Variants in GRIN2B observed in about 807,000 individuals in gnomAD.
The protein encoded by GRIN2B is glutamate ionotropic receptor NMDA type subunit 2B.
In GRIN2B, 5 loss-of-function variants were observed where a neutral mutation model predicts 114.5. The ratio of observed to expected loss-of-function variants is 0.04; its 90% CI spans 0.02 to 0.09. The LOEUF (loss-of-function observed/expected upper bound fraction) is 0.09, where lower values mean the gene tolerates loss of function less well. GRIN2B is among the 10% of genes least tolerant of loss of function. The pLI, the probability that GRIN2B is intolerant of heterozygous loss-of-function variation, is 1.00. For missense variants in GRIN2B, 1,108 were observed against 1,943.5 expected, an observed-to-expected ratio of 0.57 and a Z score of 8.08; for synonymous variants, 787 against 745.1, an observed-to-expected ratio of 1.06 and a Z score of -0.92.
chr12:13,782,183 G>A (rs1013101782), intron 3 of GRIN2B, among the ~76,000 whole-genome samples: 1 of 152,150 alleles, frequency 6.6e-6, no homozygotes, highest in Non-Finnish European at 1.5e-5. Flanking sequence ...GAAAGCATAT[G>A]TCAGTCAGCA....
rs910168318 is a variant in GRIN2B, at chr12:13,833,796, C to T, written c.411+32002G>A. 1.1e-4 allele frequency among the ~76,000 whole-genome samples: 16 copies of T among 152,176 alleles called. No homozygotes were observed. In the South Asian group the frequency reaches 2.1e-3, roughly 20 times the overall value. On this transcript the variant is annotated intron_variant, in intron 3 of 13. Transcript: ENST00000609686. Reference sequence around the variant, plus strand: ...CATAAGGGACTTTTCCACAGTACCACGGATTGTTAATGGCACAGCAGGTAT... The same window carrying T: ...CATAAGGGACTTTTCCACAGTACCATGGATTGTTAATGGCACAGCAGGTAT...
intron 10 of GRIN2B, among the ~76,000 whole-genome samples, chr12:13,589,141 T>G (rs1345431041): frequency 1.3e-5 from 2 of 152,236 alleles, no homozygotes; most frequent in African/African-American, 2.4e-5. Context: ...CTAAATCTGT[T>G]AGCTCTATTC....
At chr12:13,767,065 G>A (rs148471984) in intron 3 of GRIN2B, among the ~76,000 whole-genome samples, 5,361 of 152,060 alleles carry the variant, frequency 0.035, 302 homozygotes, top group African/African-American at 0.12. Flanking sequence ...GACCATCGTG[G>A]CTAACACCGT....
intron 4 of GRIN2B, among the ~76,000 whole-genome samples, chr12:13,712,016 G>T (rs1950419061): frequency 6.6e-6 from 1 of 151,966 alleles, no homozygotes; most frequent in Non-Finnish European, 1.5e-5. Flanking sequence ...AAGAAAATGG[G>T]GCACATATAT....
At chr12:13,766,847 C>T (rs1043046773) in intron 3 of GRIN2B, among the ~76,000 whole-genome samples, 10 of 152,168 alleles carry the variant, frequency 6.6e-5, no homozygotes, top group African/African-American at 2.4e-4. Context: ...TTTCCTCTAG[C>T]CTTCCGACAG....
chr12:13,605,552 GAC>G (rs66916614), intron 10 of GRIN2B, among the ~76,000 whole-genome samples: 7 of 129,710 alleles, frequency 5.4e-5, no homozygotes, highest in African/African-American at 1.5e-4. Flanking sequence ...CTCTCTCTCT[GAC>G]ACACACACAC....
At chr12:13,569,212 G>A (rs1948677032) in intron 12 of GRIN2B, among the ~76,000 whole-genome samples, 2 of 152,076 alleles carry the variant, frequency 1.3e-5, no homozygotes, top group South Asian at 4.1e-4. Context: ...CTTGTTATGG[G>A]TTGAAAGATG....
At chr12:13,739,209 T>C (rs1377710628) in intron 4 of GRIN2B, among the ~76,000 whole-genome samples, 1 of 151,594 alleles carries the variant, frequency 6.6e-6, no homozygotes, top group Non-Finnish European at 1.5e-5. Context: ...GGAAAAACCC[T>C]GTCTCTACTA....
At chr12:13,888,327 C>G (rs891262471) in intron 2 of GRIN2B, among the ~76,000 whole-genome samples, 9 of 152,128 alleles carry the variant, frequency 5.9e-5, no homozygotes, top group Admixed American at 2.0e-4. Flanking sequence ...ACCTGTATAG[C>G]CTGTTACTGT....
intron 3 of GRIN2B, among the ~76,000 whole-genome samples, chr12:13,755,683 G>A (rs1046164991): frequency 1.3e-5 from 2 of 152,188 alleles, no homozygotes; most frequent in African/African-American, 2.4e-5. Flanking sequence ...CCTACTACAT[G>A]AGTACAACTC....
rs1948370066 is a variant in GRIN2B at position 13,548,195 on chromosome 12, C to T, written c.*14588G>A. 1 of 151,562 alleles carries T rather than the reference C, an allele frequency of 6.6e-6. No individual in the cohort carries two copies. The highest frequency in any genetic ancestry group is 1.5e-5 in the Non-Finnish European group (1 of 67,934). The allele number at this position is 151,562 out of a possible 1,614,324, so 9.4% of individuals were successfully genotyped here. On this transcript the variant is annotated 3_prime_UTR_variant, in exon 14 of 14. Transcript: ENST00000609686. ...TGGGCTCTAAAATTGAGCTTATCTT[C>T]TCTGTCTTTCATAGGATAGCTAAGC...
chr12:13,899,077 A>T, intron 2 of GRIN2B, among the ~76,000 whole-genome samples: 1 of 152,210 alleles, frequency 6.6e-6, no homozygotes, highest in African/African-American at 2.4e-5. Flanking sequence ...CCAATAAGTC[A>T]GGTCAATCTA....
intron 2 of GRIN2B, among the ~76,000 whole-genome samples, chr12:13,906,643 T>A (rs1208778684): frequency 1.3e-5 from 2 of 152,132 alleles, no homozygotes; most frequent in African/African-American, 4.8e-5. Flanking sequence ...CAAAATCAAT[T>A]CCATTTTGTT....
At chr12:13,775,618 A>G (rs1476809054) in intron 3 of GRIN2B, among the ~76,000 whole-genome samples, 2 of 152,238 alleles carry the variant, frequency 1.3e-5, no homozygotes, top group Non-Finnish European at 2.9e-5. Flanking sequence ...TAACTTTTCA[A>G]AAGTCATTAA....
chr12:13,605,554 C>CTCTCTCTCTCTCTCTCTCTG (rs1404110204), intron 10 of GRIN2B, among the ~76,000 whole-genome samples: 1 of 147,244 alleles, frequency 6.8e-6, no homozygotes, highest in African/African-American at 2.6e-5. Context: ...CTCTCTCTGA[C>CTCTCTCTCTCTCTCTCTCTG]ACACACACAC....
chr12:13,667,930 C>A (rs1949992553), intron 5 of GRIN2B, among the ~76,000 whole-genome samples: 1 of 152,046 alleles, frequency 6.6e-6, no homozygotes, highest in Non-Finnish European at 1.5e-5. Context: ...TTGTTTTTAA[C>A]CTAGATATAA....
intron 10 of GRIN2B, among the ~76,000 whole-genome samples, chr12:13,575,531 C>A (rs760274822): frequency 7.9e-5 from 12 of 151,934 alleles, no homozygotes; most frequent in Non-Finnish European, 1.8e-4. Context: ...TGGTGGCATG[C>A]GCTTCTAGTC....
chr12:13,934,830 C>T (rs1269273733), intron 2 of GRIN2B, among the ~76,000 whole-genome samples: 1 of 152,112 alleles, frequency 6.6e-6, no homozygotes, highest in Non-Finnish European at 1.5e-5. Context: ...GTCAGCAAAG[C>T]CATGTGTGCT....
chr12:13,836,337 G>T (rs866091043), intron 3 of GRIN2B, among the ~76,000 whole-genome samples: 4 of 152,174 alleles, frequency 2.6e-5, no homozygotes, highest in Admixed American at 2.0e-4. Context: ...ACCATGCATG[G>T]AACACTGGTT....
Sources: allele counts gnomAD v4.1 joint callset (sites outside exome capture counted in the v4.1 genomes callset), GRCh38; gene constraint gnomAD v4.1.1; transcripts MANE v1.5; gene names NCBI Gene and HGNC (gene_info 2026-07-23, HGNC 2026-07-21).